The following PCDHA7 variants were observed in gnomAD, a reference collection of about 807,000 sequenced individuals.
PCDHA7 encodes protocadherin alpha 7.
PCDHA7 carries 37 observed loss-of-function variants against 57.2 expected under a neutral mutation model. That is an observed-to-expected ratio of 0.65 (90% confidence interval 0.50 to 0.85). The LOEUF (loss-of-function observed/expected upper bound fraction) is 0.85. Ranked by LOEUF, PCDHA7 falls within the 40% of genes least tolerant of loss-of-function variation. The pLI, the probability that PCDHA7 is intolerant of heterozygous loss-of-function variation, is 0.00. For missense variants in PCDHA7, 1,188 were observed against 1,241.8 expected (o/e 0.96, Z 0.65); for synonymous variants, 553 against 558.8 (o/e 0.99, Z 0.15).
chr5:141,001,229 A>G (rs1055246744), intron 3 of PCDHA7, among the ~76,000 whole-genome samples: 41 of 152,314 alleles, frequency 2.7e-4, no homozygotes, highest in African/African-American at 9.1e-4. Flanking sequence ...AGTTACATTT[A>G]ATCTATAAAT....
chr5:140,939,758 T>G (rs2092452335), intron 1 of PCDHA7, among the ~76,000 whole-genome samples: 1 of 152,234 alleles, frequency 6.6e-6, no homozygotes, highest in Non-Finnish European at 1.5e-5. Context: ...TGTCATTATA[T>G]AGTATTTCAG....
In PCDHA7 at chr5:140,856,011, C is replaced by G. The variant is rs782812320; in HGVS notation, c.2355+19273C>G. On this transcript the variant is annotated intron_variant, in intron 1 of 3. Transcript: ENST00000525929. Reference sequence around the variant, plus strand: ...GTCAGATCGTATGTGCGTTCTAGACCGCTGATTCGTCGATTTGTAAAACAA... The same window carrying G: ...GTCAGATCGTATGTGCGTTCTAGACGGCTGATTCGTCGATTTGTAAAACAA... The G allele has an allele frequency of 1.4e-5, 22 of 1,546,178 alleles. 1 individual carries two copies. The highest frequency in any genetic ancestry group is 1.7e-4 in the Middle Eastern group (1 of 5,742).
At position 140,927,327 on chromosome 5, in the gene PCDHA7, C is replaced by T. The variant is rs781793681; in HGVS notation, c.2356-51622C>T. On this transcript the variant is annotated intron_variant, in intron 1 of 3. Coordinates refer to ENST00000525929, the MANE Select transcript of PCDHA7 (RefSeq NM_018910.3). ...TGACGCCCGGAGCCCGCTTTACTCT[C>T]CCGAATGCCCAAGATGACGACGAGG... 8.5e-5 allele frequency: 137 copies of T among 1,614,206 alleles called. No individual in the cohort carries two copies. In the Middle Eastern group the frequency reaches 3.6e-3, roughly 43 times the overall value.
intron 1 of PCDHA7, among the ~76,000 whole-genome samples, chr5:140,839,453 A>G (rs113969469): frequency 3.3e-5 from 5 of 152,018 alleles, no homozygotes; most frequent in African/African-American, 1.2e-4. Context: ...GCAGTGGCAC[A>G]ATCTGGGCTT....
At position 140,843,683 on chromosome 5, in the gene PCDHA7, G is replaced by C. The variant is rs2150364990; in HGVS notation, c.2355+6945G>C. ...TCTGGGATCAGTTGATGTAGGCGAA[G>C]AGCAAGATTTAAATGTTGATCATGG... On this transcript the variant is annotated intron_variant, in intron 1 of 3. Coordinates refer to ENST00000525929, the MANE Select transcript of PCDHA7 (RefSeq NM_018910.3). 1.7e-5 allele frequency: 27 copies of C among 1,589,836 alleles called. 2 individuals are homozygous for C. The highest frequency in any genetic ancestry group is 1.7e-4 in the Middle Eastern group (1 of 6,012).
rs782099262 is a variant in PCDHA7 at position 140,927,918 on chromosome 5, C to A, written c.2356-51031C>A. 3.7e-6 allele frequency: 6 copies of A among 1,614,220 alleles called. No homozygotes were observed. In the South Asian group the frequency reaches 4.4e-5, roughly 12 times the overall value. ...ACGATCATGCCCCCGAACTGGACTT[C>A]CTGACTCTTTCGAACCCAGTACCTG... On this transcript the variant is annotated intron_variant, in intron 1 of 3. Transcript: ENST00000525929.
At chr5:140,986,293 CAG>C (rs1447196504) in intron 3 of PCDHA7, among the ~76,000 whole-genome samples, 2 of 152,124 alleles carry the variant, frequency 1.3e-5, no homozygotes, top group Admixed American at 6.5e-5. Flanking sequence ...TGAGACTGAG[CAG>C]AGAGAGAAAA....
At chr5:140,989,665 T>G (rs2097353443) in intron 3 of PCDHA7, among the ~76,000 whole-genome samples, 2 of 152,190 alleles carry the variant, frequency 1.3e-5, no homozygotes, top group South Asian at 4.1e-4. Flanking sequence ...TAAAAGAAAC[T>G]CTGCCCAGAT....
In PCDHA7 at chr5:140,877,706, T is replaced by C. The variant is rs142399025; in HGVS notation, c.2355+40968T>C. On this transcript the variant is annotated intron_variant, in intron 1 of 3. Coordinates refer to ENST00000525929, the MANE Select transcript of PCDHA7 (RefSeq NM_018910.3). ...CCCACGCTGGTGTGCTCCAGCGCCG[T>C]GGGGAGTTGGTCTTACTCGCAGCAG... is the stretch of plus-strand genomic sequence containing the variant. The C allele has an allele frequency of 5.8e-4, 943 of 1,613,918 alleles. 7 individuals carry two copies. In the African/African-American group the frequency reaches 0.011, roughly 19 times the overall value.
chr5:140,871,130 A>T, intron 1 of PCDHA7: 1 of 1,613,360 alleles, frequency 6.2e-7, no homozygotes, highest in Non-Finnish European at 8.5e-7. Context: ...CAGGCGCCAA[A>T]GGCCTCTTCC....
intron 1 of PCDHA7, among the ~76,000 whole-genome samples, chr5:140,938,510 A>G (rs2092097687): frequency 6.6e-6 from 1 of 151,662 alleles, no homozygotes; most frequent in Non-Finnish European, 1.5e-5. Context: ...TTTATCACAT[A>G]TTTTCTGTTA....
At chr5:140,980,856 G>A (rs559833499) in intron 2 of PCDHA7, among the ~76,000 whole-genome samples, 2 of 152,004 alleles carry the variant, frequency 1.3e-5, no homozygotes, top group African/African-American at 2.4e-5. Context: ...AATCTTTTTC[G>A]TATGTGTGCT....
At chr5:140,847,326 T>C (rs1171959432) in intron 1 of PCDHA7, 3 of 149,816 alleles carry the variant, frequency 2.0e-5, no homozygotes, top group African/African-American at 7.3e-5. Flanking sequence ...GAAGCAATTG[T>C]TAAATGCACC....
At chr5:140,869,752 G>A (rs1398153775) in intron 1 of PCDHA7, 17 of 1,613,136 alleles carry the variant, frequency 1.1e-5, no homozygotes, top group African/African-American at 1.3e-5. Context: ...AGCTACAGAC[G>A]GGGGAAAACC....
chr5:140,922,926 T>C (rs1476173998), intron 1 of PCDHA7, among the ~76,000 whole-genome samples: 2 of 152,222 alleles, frequency 1.3e-5, no homozygotes, highest in African/African-American at 4.8e-5. Context: ...CTTCAGACTT[T>C]TACTTCCAGC....
chr5:140,951,551 A>C (rs246040), intron 1 of PCDHA7, among the ~76,000 whole-genome samples: 2 of 151,590 alleles, frequency 1.3e-5, no homozygotes, highest in African/African-American at 4.8e-5. Flanking sequence ...GACGGGGGGA[A>C]GTGCTACGCA....
chr5:140,863,228 C>A, intron 1 of PCDHA7: 1 of 1,183,022 alleles, frequency 8.5e-7, no homozygotes, highest in Non-Finnish European at 1.2e-6. Flanking sequence ...AGGAAGGTCC[C>A]ATCGCGGGCT....
rs139717123 is a variant in PCDHA7, at chr5:140,967,213, G to A, written c.2356-11736G>A. 8 of 1,613,598 alleles carry A rather than the reference G, an allele frequency of 5.0e-6. No individual in the cohort carries two copies. The African/African-American group carries it at 8.0e-5, about 16-fold the overall frequency. On this transcript the variant is annotated intron_variant, in intron 1 of 3. Coordinates refer to ENST00000525929, the MANE Select transcript of PCDHA7 (RefSeq NM_018910.3). ...TCAACGACAACTCACCGCGTTTCCC[G>A]CGGCCCAACTACCAGCTTCAGGTAA...
chr5:140,985,289 T>C (rs2097145554), intron 3 of PCDHA7, among the ~76,000 whole-genome samples: 2 of 152,172 alleles, frequency 1.3e-5, no homozygotes, highest in African/African-American at 4.8e-5. Flanking sequence ...ATCTATGATA[T>C]AGTGTTGGCT....
Sources: gnomAD v4.1 joint callset for allele counts (sites outside exome capture counted in the v4.1 genomes callset) on GRCh38, gnomAD v4.1.1 for gene constraint, MANE v1.5 for transcripts, NCBI Gene and HGNC (gene_info 2026-07-23, HGNC 2026-07-21) for gene names.